Variants in WDR44 observed in about 807,000 individuals in gnomAD.
WDR44 encodes WD repeat-containing protein 44.
A neutral mutation model predicts 65.7 loss-of-function variants in WDR44; 9 were observed. The observed-to-expected ratio is 0.14, with a 90% CI of 0.08 to 0.24. The LOEUF is 0.24. WDR44 is among the 10% of genes least tolerant of loss of function. WDR44 has a pLI of 1.00. For missense variants in WDR44, 425 were observed against 670.9 expected (o/e 0.63, Z 4.05); for synonymous variants, 220 against 235.2 (o/e 0.94, Z 0.59).
intron 1 of WDR44, among the ~76,000 whole-genome samples, chrX:118,355,339 T>C (rs1054185817): frequency 9.0e-6 from 1 of 111,518 alleles, no homozygotes; most frequent in African/African-American, 3.3e-5. Flanking sequence ...GTGGGAACTT[T>C]TGGAAGGAGT....
intron 1 of WDR44, among the ~76,000 whole-genome samples, chrX:118,375,674 T>A (rs1016967077): frequency 8.9e-6 from 1 of 111,893 alleles, no homozygotes; most frequent in African/African-American, 3.2e-5. Flanking sequence ...CAACTCTAGA[T>A]AAACAGGATT....
chrX:118,369,617 C>T (rs768727830), intron 1 of WDR44, among the ~76,000 whole-genome samples: 344 of 106,488 alleles, frequency 3.2e-3, no homozygotes, highest in Non-Finnish European at 5.1e-3. Flanking sequence ...TACAGGCGCC[C>T]ACCACCACGC....
At chrX:118,390,439 A>G (rs1365803645) in intron 3 of WDR44, among the ~76,000 whole-genome samples, 1 of 111,753 alleles carries the variant, frequency 8.9e-6, no homozygotes, top group Non-Finnish European at 1.9e-5. Context: ...TAGAGAAAAT[A>G]AATAGAGCTA....
Position 118,399,586 on chromosome X carries a change from T to A in WDR44, c.1274+1116T>A, listed in dbSNP as rs1021479249. Among the ~76,000 whole-genome samples, 5 of 111,765 alleles carry A rather than the reference T, an allele frequency of 4.5e-5. 1 individual carries two copies. The highest frequency in any genetic ancestry group is 2.9e-4 in the Admixed American group (3 of 10,401). On this transcript the variant is annotated intron_variant, in intron 8 of 19. Transcript: ENST00000254029. ...GGGACAGATAAACATCCAGAAGAGA[T>A]GTCACATAGTCCATGCACTAAAGCT...
At chrX:118,362,481 A>G (rs1469911316) in intron 1 of WDR44, among the ~76,000 whole-genome samples, 2 of 111,677 alleles carry the variant, frequency 1.8e-5, no homozygotes, top group African/African-American at 6.5e-5. Flanking sequence ...TTGTGGGGCA[A>G]TCTAAGCCAA....
intron 1 of WDR44, among the ~76,000 whole-genome samples, chrX:118,367,145 G>T (rs986939026): frequency 8.9e-6 from 1 of 112,136 alleles, no homozygotes; most frequent in Admixed American, 9.5e-5. Flanking sequence ...TGGCAGAGGG[G>T]TGGAAGAGGA....
Position 118,424,263 on chromosome X carries a change from TC to T in WDR44, c.1738-8517del, listed in dbSNP as rs771256417. ...TCCACATCTTCACTAATACTTGTTA[TC>T]TTATATATATATATATATGTGTGTG... On this transcript the variant is annotated intron_variant, in intron 12 of 19. Coordinates refer to ENST00000254029, the MANE Select transcript of WDR44 (RefSeq NM_019045.5). 5.1e-3 allele frequency among the ~76,000 whole-genome samples: 363 copies of T among 70,932 alleles called. 4 individuals carry two copies. The highest frequency in any genetic ancestry group is 0.024 in the African/African-American group (291 of 11,902). 61.6% of individuals were successfully genotyped at this position (70,932 alleles called of 115,157 possible).
chrX:118,414,284 A>T (rs1190177895), intron 12 of WDR44, among the ~76,000 whole-genome samples: 71 of 45,444 alleles, frequency 1.6e-3, no homozygotes, highest in African/African-American at 2.9e-3. Flanking sequence ...TTTATGTTCC[A>T]TGGTTTTGTG....
Position 118,346,223 on chromosome X carries a change from C to T in WDR44, c.-281C>T, listed in dbSNP as rs1053455541. 6.4e-6 allele frequency: 2 copies of T among 313,609 alleles called. No homozygotes were observed. Among genetic ancestry groups the T allele is most frequent in the Admixed American group, 5.8e-5 (1 of 17,171 alleles). 25.8% of individuals were successfully genotyped at this position (313,609 alleles called of 1,213,427 possible). A position where few individuals can be genotyped will look rare whatever the true frequency, so the allele number is the denominator to read the frequency against. On this transcript the variant is annotated 5_prime_UTR_variant, in exon 1 of 20. Transcript: ENST00000254029. ...TACTGCGAGGAGCCACCGCCTCTTT[C>T]GCGCTCCTTATACACCTATCACTGG...
At chrX:118,347,661 T>C (rs1222765151) in intron 1 of WDR44, among the ~76,000 whole-genome samples, 1 of 112,631 alleles carries the variant, frequency 8.9e-6, no homozygotes, top group Non-Finnish European at 1.9e-5. Context: ...CCCGCTGTGA[T>C]GCAAGTATAG....
chrX:118,381,072 G>A (rs1481817787), intron 2 of WDR44, among the ~76,000 whole-genome samples: 1 of 111,903 alleles, frequency 8.9e-6, no homozygotes, highest in Non-Finnish European at 1.9e-5. Context: ...TGAATGTCAG[G>A]TTACCTGATT....
At chrX:118,387,716 G>A (rs748475392) in intron 3 of WDR44, among the ~76,000 whole-genome samples, 61 of 111,529 alleles carry the variant, frequency 5.5e-4, no homozygotes, top group Admixed American at 8.6e-4. Context: ...GGAGTTATGG[G>A]TATTGAAAAG....
chrX:118,433,042 G>A (rs1299413603), intron 13 of WDR44, 148 bp downstream of exon 13: 6 of 447,004 alleles, frequency 1.3e-5, no homozygotes, highest in Non-Finnish European at 2.3e-5. Context: ...ACATAGTCAA[G>A]GGTGATCTCC....
intron 4 of WDR44, 47 bp from the exon 5 acceptor site, chrX:118,394,007 AT>A (rs34108225): frequency 0.21 from 242,165 of 1,135,607 alleles, 20,831 homozygotes; most frequent in African/African-American, 0.39. Context: ...TGTTACAAGA[AT>A]CAAACAAAAA....
rs763600773 is a variant in WDR44 at position 118,441,405 on chromosome X, A to G, written c.2012A>G (p.Lys671Arg). The G allele has an allele frequency of 4.1e-6, 5 of 1,206,223 alleles. No homozygotes were observed. In the East Asian group the frequency reaches 1.5e-4, roughly 36 times the overall value. The change falls in exon 15 of 20, where the codon AAG becomes AGG. Residue 671 changes from lysine to arginine, a missense_variant. Physicochemically the swap from Lys to Arg is conservative, Grantham distance 26. Transcript: ENST00000254029. The part of the protein sequence containing the change: ...RYFLSGSLDG[K>R]LRLWNIPDKK... The stretch of plus-strand genomic sequence containing the variant: ...TTTCTAAGTGGGTCTTTGGATGGAA[A>G]GCTCCGCCTTTGGAACATACCTGAC...
At chrX:118,438,130 G>GGC (rs769296188) in intron 14 of WDR44, among the ~76,000 whole-genome samples, 1 of 111,509 alleles carries the variant, frequency 9.0e-6, no homozygotes, top group Non-Finnish European at 1.9e-5. Flanking sequence ...GATGGCTTTA[G>GGC]GCTGGGAGTT....
chrX:118,413,685 G>A (rs1338653390), intron 12 of WDR44, among the ~76,000 whole-genome samples: 3 of 112,059 alleles, frequency 2.7e-5, no homozygotes, highest in Non-Finnish European at 5.6e-5. Flanking sequence ...AAGCTCGTTA[G>A]TGTAATTAAG....
At chrX:118,428,741 A>T (rs56164245) in intron 12 of WDR44, among the ~76,000 whole-genome samples, 1 of 112,137 alleles carries the variant, frequency 8.9e-6, no homozygotes, top group Admixed American at 9.5e-5. Flanking sequence ...TGTTATAAAG[A>T]TACATGCAGG....
chrX:118,429,460 G>C (rs189266395), intron 12 of WDR44, among the ~76,000 whole-genome samples: 16 of 108,132 alleles, frequency 1.5e-4, no homozygotes, highest in Non-Finnish European at 2.7e-4. Context: ...GTGGTGCTGT[G>C]TGCCTATAAT....
Sources: allele counts gnomAD v4.1 joint callset (sites outside exome capture counted in the v4.1 genomes callset), GRCh38; gene constraint gnomAD v4.1.1; transcripts MANE v1.5; gene names NCBI Gene and HGNC (gene_info 2026-07-23, HGNC 2026-07-21).